CSMD1: variants seen among roughly 807,000 people sequenced by gnomAD.
CSMD1 encodes CUB and sushi domain-containing protein 1.
CSMD1 carries 213 observed loss-of-function variants against 417.5 expected under a neutral mutation model. The observed-to-expected ratio is 0.51, with a 90% CI of 0.46 to 0.57. The LOEUF (loss-of-function observed/expected upper bound fraction) is 0.57. Among genes scored for constraint, CSMD1 ranks in the 20% least tolerant of loss-of-function variants. CSMD1 has a pLI of 0.00. For missense variants in CSMD1, 6,923 were observed against 4,529.7 expected (o/e 1.53, Z -15.17); for synonymous variants, 2,862 against 1,736.8 (o/e 1.65, Z -16.11).
At chr8:3,814,779 A>G (rs779402882) in intron 5 of CSMD1, among the ~76,000 whole-genome samples, 1 of 152,046 alleles carries the variant, frequency 6.6e-6, no homozygotes, top group Non-Finnish European at 1.5e-5. Context: ...TTCTGCCACG[A>G]TTTTCTATTT....
rs571852185 is a variant in CSMD1 at position 4,032,014 on chromosome 8, G to C, written c.501C>G (p.Ile167Met). Reference sequence around the variant, plus strand: ...TGTAGCCAGGGAGGCAGCTGTACCGGATTTTGTCTCCTATGTTGAATCTCG... The same window carrying C: ...TGTAGCCAGGGAGGCAGCTGTACCGCATTTTGTCTCCTATGTTGAATCTCG... ...HGTRFNIGDK[I>M]RYSCLPGYIL... Residue 167 changes from isoleucine to methionine, a missense_variant, in exon 4 of 70, where the codon ATC (isoleucine) becomes ATG (methionine). Ile to Met is a conservative substitution (Grantham distance 10). Transcript: ENST00000635120. 19 of 1,613,870 alleles carry C rather than the reference G, an allele frequency of 1.2e-5. 1 individual carries two copies. The highest frequency in any genetic ancestry group is 1.1e-4 in the South Asian group (10 of 91,076).
intron 3 of CSMD1, among the ~76,000 whole-genome samples, chr8:4,391,628 A>C (rs772827260): frequency 6.6e-6 from 1 of 151,992 alleles, no homozygotes; most frequent in Non-Finnish European, 1.5e-5. Context: ...AGAGGAAGTG[A>C]AATACACTGC....
intron 5 of CSMD1, among the ~76,000 whole-genome samples, chr8:3,872,242 T>A (rs1262484733): frequency 6.6e-6 from 1 of 152,170 alleles, no homozygotes. Flanking sequence ...GTTGTTGTTT[T>A]TAGGGAAAAG....
At chr8:3,478,057 T>A (rs1159857663) in intron 11 of CSMD1, among the ~76,000 whole-genome samples, 1 of 152,184 alleles carries the variant, frequency 6.6e-6, no homozygotes, top group Non-Finnish European at 1.5e-5. Context: ...CCCACTGGCA[T>A]CAACATGAAA....
chr8:4,461,810 A>T (rs1481091656), intron 2 of CSMD1, among the ~76,000 whole-genome samples: 1 of 145,444 alleles, frequency 6.9e-6, no homozygotes, highest in African/African-American at 2.6e-5. Flanking sequence ...GTACGATCTC[A>T]GCTCACTGCA....
chr8:4,057,886 G>A (rs537263230), intron 3 of CSMD1, among the ~76,000 whole-genome samples: 3 of 152,178 alleles, frequency 2.0e-5, no homozygotes, highest in South Asian at 2.1e-4. Context: ...CTGTTCCATT[G>A]ATCTATATCT....
intron 5 of CSMD1, among the ~76,000 whole-genome samples, chr8:3,797,165 C>T (rs992569843): frequency 6.6e-6 from 1 of 151,822 alleles, no homozygotes; most frequent in Admixed American, 6.6e-5. Flanking sequence ...AATTGAATTT[C>T]AAAGTCTATT....
rs1238746817 is a variant in CSMD1 at position 3,931,955 on chromosome 8, G to C, written c.818+65948C>G. The stretch of plus-strand genomic sequence containing the variant: ...AATTGTAGCTGTAGAATCTAAAAAG[G>C]ACTTTTTAAAAAATTAAAATAGTAT... On this transcript the variant is annotated intron_variant, in intron 5 of 69. Transcript: ENST00000635120. Among the ~76,000 whole-genome samples, 5 of 149,508 alleles carry C rather than the reference G, an allele frequency of 3.3e-5. 1 individual carries two copies. The highest frequency in any genetic ancestry group is 1.2e-4 in the African/African-American group (5 of 40,534).
At chr8:3,954,152 C>T (rs1381991737) in intron 5 of CSMD1, among the ~76,000 whole-genome samples, 1 of 152,136 alleles carries the variant, frequency 6.6e-6, no homozygotes, top group Admixed American at 6.5e-5. Context: ...ACATATGGGT[C>T]TGTAGAAACT....
At chr8:3,731,699 A>G (rs1185056317) in intron 6 of CSMD1, among the ~76,000 whole-genome samples, 1 of 152,186 alleles carries the variant, frequency 6.6e-6, no homozygotes, top group Non-Finnish European at 1.5e-5. Context: ...CAAAGTATAA[A>G]TGGGTCAGAG....
rs146368365 is a variant in CSMD1, at chr8:4,905,078, T to C, written c.85+89254A>G. Among the ~76,000 whole-genome samples, 292 of 152,320 alleles carry C rather than the reference T, an allele frequency of 1.9e-3. 2 individuals are homozygous for C. The highest frequency in any genetic ancestry group is 6.7e-3 in the African/African-American group (277 of 41,578). ...GCTCTCAAACATTTCTCTGCCAGCA[T>C]AGGATCGTTCCCTGTGGTGTATTTT... On this transcript the variant is annotated intron_variant, in intron 1 of 69. Coordinates refer to ENST00000635120, the MANE Select transcript of CSMD1 (RefSeq NM_033225.6).
chr8:4,211,725 G>C (rs1052688267), intron 3 of CSMD1, among the ~76,000 whole-genome samples: 2 of 152,148 alleles, frequency 1.3e-5, no homozygotes, highest in Admixed American at 6.5e-5. Context: ...CTTTGCAAGT[G>C]GGGAGTTGAC....
intron 26 of CSMD1, among the ~76,000 whole-genome samples, chr8:3,276,096 G>T (rs1802268177): frequency 6.6e-6 from 1 of 152,082 alleles, no homozygotes; most frequent in African/African-American, 2.4e-5. Flanking sequence ...TTGATGTACA[G>T]ATGGGTTTTT....
intron 7 of CSMD1, among the ~76,000 whole-genome samples, chr8:3,641,875 A>G (rs923908551): frequency 6.6e-6 from 1 of 152,202 alleles, no homozygotes; most frequent in Non-Finnish European, 1.5e-5. Context: ...AACTTCATAT[A>G]AGGTTTCGCT....
chr8:3,308,733 T>A (rs1805089902), intron 23 of CSMD1, among the ~76,000 whole-genome samples: 2 of 2,766 alleles, frequency 7.2e-4, no homozygotes, highest in Non-Finnish European at 1.3e-3. Flanking sequence ...TACTTACAAG[T>A]TTTTTTTTTT....
intron 7 of CSMD1, among the ~76,000 whole-genome samples, chr8:3,699,754 G>A (rs543685741): frequency 3.9e-5 from 6 of 152,150 alleles, no homozygotes; most frequent in Non-Finnish European, 5.9e-5. Context: ...TGGATGCTCC[G>A]CAACGAGGGA....
chr8:3,974,948 C>A (rs1369683481), intron 5 of CSMD1, among the ~76,000 whole-genome samples: 1 of 152,120 alleles, frequency 6.6e-6, no homozygotes, highest in Non-Finnish European at 1.5e-5. Flanking sequence ...CAAATCAAAA[C>A]TAACACCTGT....
Position 4,702,465 on chromosome 8 carries a change from C to A in CSMD1, c.86-64907G>T, listed in dbSNP as rs116690874. On this transcript the variant is annotated intron_variant, in intron 1 of 69. Transcript: ENST00000635120. ...TTCACTCTGGAACATTCTAAATAGT[C>A]CCCTTCAGTCAAAATGTTGCTGCTG... Among the ~76,000 whole-genome samples, 504 of 152,130 alleles carry A rather than the reference C, an allele frequency of 3.3e-3. 5 individuals carry two copies. Among genetic ancestry groups the A allele is most frequent in the African/African-American group, 0.012 (479 of 41,486 alleles).
At chr8:3,879,365 C>G (rs1053310750) in intron 5 of CSMD1, among the ~76,000 whole-genome samples, 1 of 152,100 alleles carries the variant, frequency 6.6e-6, no homozygotes, top group African/African-American at 2.4e-5. Context: ...TCTAAGGAAT[C>G]TCTATAGACA....
Sources: gnomAD v4.1 joint callset for allele counts (sites outside exome capture counted in the v4.1 genomes callset) on GRCh38, gnomAD v4.1.1 for gene constraint, MANE v1.5 for transcripts, NCBI Gene and HGNC (gene_info 2026-07-23, HGNC 2026-07-21) for gene names.